Variants in SFXN5 observed in about 807,000 individuals in gnomAD.
The protein encoded by SFXN5 is sideroflexin-5.
Under a neutral mutation model 50.2 loss-of-function variants are expected in SFXN5, and 43 were observed. The ratio of observed to expected loss-of-function variants is 0.86; its 90% confidence interval spans 0.67 to 1.11. The LOEUF (loss-of-function observed/expected upper bound fraction) is 1.11, where lower values mean the gene tolerates loss of function less well. SFXN5 is among the 50% of genes least tolerant of loss of function. The pLI is 0.00. For missense variants in SFXN5, 463 were observed against 454.1 expected (o/e 1.02, Z -0.18); for synonymous variants, 203 against 185.8 (o/e 1.09, Z -0.75).
intron 1 of SFXN5, 87 bp downstream of exon 1, chr2:73,071,517 C>T: frequency 7.7e-6 from 10 of 1,294,872 alleles, no homozygotes; most frequent in Non-Finnish European, 1.1e-5. Flanking sequence ...GGGTGGGAGA[C>T]CCTTGGGCGG....
At chr2:73,003,528 G>A (rs553754711) in intron 6 of SFXN5, among the ~76,000 whole-genome samples, 1 of 152,280 alleles carries the variant, frequency 6.6e-6, no homozygotes, top group South Asian at 2.1e-4. Context: ...TGGTGTGCAT[G>A]TGCCTTGCAG....
intron 11 of SFXN5, among the ~76,000 whole-genome samples, chr2:72,970,529 A>G (rs1675025937): frequency 6.6e-6 from 1 of 152,118 alleles, no homozygotes. Context: ...TGGCTGGAGC[A>G]GGGATGCATG....
chr2:73,047,251 T>TATATATATATATATATATATACACACAC lies in SFXN5; in HGVS notation c.172-6321_172-6320insGTGTGTGTATATATATATATATATATAT, dbSNP rs1559199597. 1.3e-3 allele frequency among the ~76,000 whole-genome samples: 36 copies of TATATATATATATATATATATACACACAC among 27,554 alleles called. 2 individuals are homozygous for TATATATATATATATATATATACACACAC. The highest frequency in any genetic ancestry group is 2.3e-3 in the Non-Finnish European group (29 of 12,676). 18.1% of individuals were successfully genotyped at this position (27,554 alleles called of 152,430 possible). A position where few individuals can be genotyped will look rare whatever the true frequency, so the allele number is the denominator to read the frequency against. The stretch of plus-strand genomic sequence containing the variant: ...AAAAAAAAAAAAAAAAAAAAATATA[T>TATATATATATATATATATATACACACAC]ATATATATATATATATATATATATA... On this transcript the variant is annotated intron_variant, in intron 2 of 13. Coordinates refer to ENST00000272433, the MANE Select transcript of SFXN5 (RefSeq NM_144579.3).
rs116622972 is a variant in SFXN5 at position 73,008,620 on chromosome 2, G to A, written c.358-7042C>T. Among the ~76,000 whole-genome samples the A allele has an allele frequency of 1.4e-3, 206 of 152,326 alleles. 1 individual carries two copies. The highest frequency in any genetic ancestry group is 4.6e-3 in the African/African-American group (191 of 41,584). On this transcript the variant is annotated intron_variant, in intron 6 of 13. Coordinates refer to ENST00000272433, the MANE Select transcript of SFXN5 (RefSeq NM_144579.3). ...GGAAGCGGCAGTGCTGTGCTTAGGGGAAACCTGGGAAGGGAGAGGCCGTGT... is the reference window on the plus strand; with the variant it reads ...GGAAGCGGCAGTGCTGTGCTTAGGGAAAACCTGGGAAGGGAGAGGCCGTGT...
chr2:72,964,271 G>A (rs1306924349), intron 12 of SFXN5, among the ~76,000 whole-genome samples: 2 of 152,188 alleles, frequency 1.3e-5, no homozygotes, highest in Non-Finnish European at 2.9e-5. Flanking sequence ...TGGCTGTCCT[G>A]ACTCCCTCAC....
chr2:73,059,694 T>C (rs1682594564), intron 1 of SFXN5: 1 of 980,548 alleles, frequency 1.0e-6, no homozygotes, highest in South Asian at 4.8e-5. Flanking sequence ...ACAAACCAGA[T>C]CAAGCTTTGG....
At chr2:73,017,687 G>A (rs1037789066) in intron 6 of SFXN5, among the ~76,000 whole-genome samples, 2 of 152,076 alleles carry the variant, frequency 1.3e-5, no homozygotes, top group South Asian at 2.1e-4. Flanking sequence ...AATATGAAAC[G>A]GGAGAACAAA....
chr2:73,042,674 C>A (rs575841259), intron 2 of SFXN5: 1 of 152,126 alleles, frequency 6.6e-6, no homozygotes, highest in Non-Finnish European at 1.5e-5. Context: ...TGCCTGTAGT[C>A]CCAGCTACTA....
At chr2:73,043,574 C>G (rs1005502589) in intron 2 of SFXN5, among the ~76,000 whole-genome samples, 4 of 152,138 alleles carry the variant, frequency 2.6e-5, no homozygotes, top group African/African-American at 9.7e-5. Context: ...CTTGGAATGG[C>G]CTGAAGGCTG....
rs536379974 is a variant in SFXN5, at chr2:72,952,875, C to T, written c.946-7776G>A. The stretch of plus-strand genomic sequence containing the variant: ...GCCCCAGCCCCACTCACTAAGCTCA[C>T]AGGGCTGAGCCTTGCTGCAGGCCAG... On this transcript the variant is annotated intron_variant, in intron 13 of 13. Coordinates refer to ENST00000272433, the MANE Select transcript of SFXN5 (RefSeq NM_144579.3). Among the ~76,000 whole-genome samples the T allele has an allele frequency of 5.3e-5, 8 of 152,322 alleles. No individual in the cohort carries two copies. In the South Asian group the frequency reaches 1.7e-3, roughly 32 times the overall value.
intron 1 of SFXN5, 52 bp downstream of exon 1, chr2:73,071,552 C>A: frequency 1.3e-6 from 2 of 1,554,000 alleles, no homozygotes; most frequent in Non-Finnish European, 8.8e-7. Context: ...GGGGAGTTTG[C>A]TCGTCCTCTC....
chr2:73,046,118 C>G (rs944617480), intron 2 of SFXN5, among the ~76,000 whole-genome samples: 3 of 152,132 alleles, frequency 2.0e-5, no homozygotes, highest in Non-Finnish European at 2.9e-5. Context: ...AAACTAAAAG[C>G]GATATGTTGG....
intron 3 of SFXN5, among the ~76,000 whole-genome samples, chr2:73,031,920 C>A (rs963121996): frequency 6.6e-6 from 1 of 152,188 alleles, no homozygotes; most frequent in African/African-American, 2.4e-5. Context: ...CTCTCCAGGG[C>A]CCCTTCCTGT....
At chr2:73,036,919 G>A (rs984522901) in intron 3 of SFXN5, among the ~76,000 whole-genome samples, 57 of 152,174 alleles carry the variant, frequency 3.7e-4, no homozygotes, top group Admixed American at 3.1e-3. Flanking sequence ...CCCGGCTGAC[G>A]GCTGCCCATG....
intron 12 of SFXN5, among the ~76,000 whole-genome samples, chr2:72,965,057 C>T (rs1162513804): frequency 6.6e-6 from 1 of 152,200 alleles, no homozygotes; most frequent in Non-Finnish European, 1.5e-5. Flanking sequence ...CCCTGGCCTG[C>T]CACACCCCCT....
chr2:73,058,129 A>G (rs1215420156), intron 2 of SFXN5: 1 of 160,892 alleles, frequency 6.2e-6, no homozygotes, highest in Non-Finnish European at 1.4e-5. Context: ...CTATAAGAGG[A>G]GGGAACTAAG....
chr2:73,008,609 T>G (rs1454613382), intron 6 of SFXN5, among the ~76,000 whole-genome samples: 1 of 152,154 alleles, frequency 6.6e-6, no homozygotes, highest in East Asian at 1.9e-4. Flanking sequence ...GCGGCAGTGC[T>G]GTGCTTAGGG....
At chr2:73,005,730 T>G (rs2105730593) in intron 6 of SFXN5, among the ~76,000 whole-genome samples, 1 of 152,254 alleles carries the variant, frequency 6.6e-6, no homozygotes, top group African/African-American at 2.4e-5. Context: ...AGAACAGAGC[T>G]CTGGAAGGCA....
At chr2:73,048,882 T>C (rs1680857110) in intron 2 of SFXN5, among the ~76,000 whole-genome samples, 1 of 152,234 alleles carries the variant, frequency 6.6e-6, no homozygotes, top group African/African-American at 2.4e-5. Flanking sequence ...TTTCTTCTCC[T>C]TTGTAATTGC....
Sources: gnomAD v4.1 joint callset for allele counts (sites outside exome capture counted in the v4.1 genomes callset) on GRCh38, gnomAD v4.1.1 for gene constraint, MANE v1.5 for transcripts, NCBI Gene and HGNC (gene_info 2026-07-23, HGNC 2026-07-21) for gene names.